Variants in ADAM18 observed in about 807,000 individuals in gnomAD.
ADAM18 encodes the protein disintegrin and metalloproteinase domain-containing protein 18.
Under a neutral mutation model 94.4 loss-of-function variants are expected in ADAM18, and 117 were observed. The ratio of observed to expected loss-of-function variants is 1.24; its 90% confidence interval spans 1.07 to 1.45. The LOEUF is 1.45. Among genes scored for constraint, ADAM18 ranks in the 40% most tolerant of loss-of-function variants. The pLI, the probability that ADAM18 is intolerant of heterozygous loss-of-function variation, is 0.00. For synonymous variants in ADAM18, 327 were observed against 291.6 expected (o/e 1.12, Z -1.24); for missense variants, 936 against 880.0 (o/e 1.06, Z -0.81).
At position 39,664,028 on chromosome 8, in the gene ADAM18, A is replaced by T. The variant is rs148815284; in HGVS notation, c.1326+138A>T. 3.1e-3 allele frequency: 1,909 copies of T among 614,578 alleles called. 40 individuals carry two copies. The African/African-American group carries it at 0.032, about 10-fold the overall frequency. The allele number at this position is 614,578 out of a possible 1,614,324, so 38.1% of individuals were successfully genotyped here. A position where few individuals can be genotyped will look rare whatever the true frequency, so the allele number is the denominator to read the frequency against. On this transcript the variant is annotated intron_variant, in intron 13 of 19. Transcript: ENST00000265707. The stretch of plus-strand genomic sequence containing the variant: ...AATGTAGAGTGCATGAACAAACACA[A>T]GTTTAAAGGAAAATTGCTATAAAAT...
In ADAM18 at chr8:39,673,775, C is replaced by T. The variant is rs141930966; in HGVS notation, c.1526-3656C>T. Among the ~76,000 whole-genome samples, 1,710 of 152,246 alleles carry T rather than the reference C, an allele frequency of 0.011. 68 individuals are homozygous for T. In the East Asian group the frequency reaches 0.14, roughly 13 times the overall value. ...GTGGGCATTTAGTGCTATAAATTTC[C>T]CTCTACACACTGCTTTAAATGTATC... On this transcript the variant is annotated intron_variant, in intron 14 of 19. Coordinates refer to ENST00000265707, the MANE Select transcript of ADAM18 (RefSeq NM_014237.3).
intron 2 of ADAM18, among the ~76,000 whole-genome samples, chr8:39,592,835 T>A (rs1818616299): frequency 6.6e-6 from 1 of 152,084 alleles, no homozygotes; most frequent in Non-Finnish European, 1.5e-5. Context: ...AAATAACAAT[T>A]TAAAAAGTGC....
chr8:39,672,391 G>A (rs1361653754), intron 14 of ADAM18, among the ~76,000 whole-genome samples: 1 of 152,156 alleles, frequency 6.6e-6, no homozygotes, highest in African/African-American at 2.4e-5. Flanking sequence ...CCTACCAGAA[G>A]CCAGATGAAT....
chr8:39,633,157 A>G (rs1169327242), intron 7 of ADAM18, among the ~76,000 whole-genome samples: 2 of 152,164 alleles, frequency 1.3e-5, no homozygotes, highest in Non-Finnish European at 1.5e-5. Context: ...ACTATGAACA[A>G]TAAATTTGTG....
chr8:39,657,993 C>T (rs1320770261), intron 12 of ADAM18, among the ~76,000 whole-genome samples: 3 of 152,006 alleles, frequency 2.0e-5, no homozygotes, highest in African/African-American at 4.8e-5. Context: ...ATAAAATATC[C>T]AGCTGTATGC....
intron 18 of ADAM18, among the ~76,000 whole-genome samples, chr8:39,708,899 C>A (rs1040238903): frequency 6.6e-6 from 1 of 152,200 alleles, no homozygotes; most frequent in African/African-American, 2.4e-5. Flanking sequence ...GCGGGCCCTG[C>A]GCCCGCATCT....
Position 39,632,152 on chromosome 8 carries a change from AT to A in ADAM18, c.588+2718del, listed in dbSNP as rs1255143920. Among the ~76,000 whole-genome samples the A allele has an allele frequency of 5.3e-5, 8 of 150,706 alleles. No individual in the cohort carries two copies. In the East Asian group the frequency reaches 1.6e-3, roughly 29 times the overall value. ...TAATTTTTAATTTTTTTCTTTATCA[AT>A]TTTTACTCCGTTTTGCATTTATGTA... On this transcript the variant is annotated intron_variant, in intron 7 of 19. Transcript: ENST00000265707.
intron 16 of ADAM18, among the ~76,000 whole-genome samples, chr8:39,688,358 C>CT (rs35820936): frequency 4.7e-4 from 72 of 152,098 alleles, no homozygotes; most frequent in African/African-American, 1.6e-3. Flanking sequence ...CCCATTAGTT[C>CT]TTTTTTCTGA....
chr8:39,699,275 A>G (rs762080792), intron 17 of ADAM18, among the ~76,000 whole-genome samples: 55 of 152,122 alleles, frequency 3.6e-4, no homozygotes, highest in Admixed American at 3.3e-4. Flanking sequence ...TTAATAATGT[A>G]CATCATATTC....
At chr8:39,675,373 G>T (rs965322454) in intron 14 of ADAM18, among the ~76,000 whole-genome samples, 1 of 151,898 alleles carries the variant, frequency 6.6e-6, no homozygotes, top group African/African-American at 2.4e-5. Flanking sequence ...TCATCAATTT[G>T]ATCTTCAATC....
At chr8:39,614,287 T>G (rs1339695238) in intron 6 of ADAM18, among the ~76,000 whole-genome samples, 3 of 152,172 alleles carry the variant, frequency 2.0e-5, no homozygotes, top group African/African-American at 7.2e-5. Context: ...AGCAAAACCC[T>G]GTGAGCCAGA....
intron 19 of ADAM18, among the ~76,000 whole-genome samples, chr8:39,726,094 A>G (rs1013802596): frequency 6.6e-6 from 1 of 152,082 alleles, no homozygotes; most frequent in Non-Finnish European, 1.5e-5. Context: ...GTAATATCTC[A>G]TAGTGGTCTT....
intron 11 of ADAM18, among the ~76,000 whole-genome samples, chr8:39,646,333 T>C (rs1820374827): frequency 6.6e-6 from 1 of 151,970 alleles, no homozygotes; most frequent in South Asian, 2.1e-4. Flanking sequence ...TTAAACATAA[T>C]GAAAATTAAA....
Position 39,642,052 on chromosome 8 carries a change from A to G in ADAM18, c.910-3286A>G, listed in dbSNP as rs143784176. On this transcript the variant is annotated intron_variant, in intron 10 of 19. Coordinates refer to ENST00000265707, the MANE Select transcript of ADAM18 (RefSeq NM_014237.3). ...TCTCATATGATTGTTGGCCACATGT[A>G]TTTCTTCTTTTGAAAAATGCCTGTT... is the stretch of plus-strand genomic sequence containing the variant. Among the ~76,000 whole-genome samples, 65 of 152,050 alleles carry G rather than the reference A, an allele frequency of 4.3e-4. 1 individual carries two copies. The East Asian group carries it at 0.012, about 29-fold the overall frequency.
intron 17 of ADAM18, among the ~76,000 whole-genome samples, chr8:39,702,978 T>G (rs1311318555): frequency 6.6e-6 from 1 of 152,188 alleles, no homozygotes; most frequent in African/African-American, 2.4e-5. Context: ...TCTTTTTTGC[T>G]TCCCAGTGAA....
At chr8:39,638,249 G>C (rs1258901884) in intron 9 of ADAM18, among the ~76,000 whole-genome samples, 1 of 142,392 alleles carries the variant, frequency 7.0e-6, no homozygotes, top group Non-Finnish European at 1.6e-5. Flanking sequence ...AATTACATTG[G>C]TATTAAAGTG....
At chr8:39,598,074 A>G (rs1818791952) in intron 2 of ADAM18, among the ~76,000 whole-genome samples, 1 of 152,088 alleles carries the variant, frequency 6.6e-6, no homozygotes, top group Non-Finnish European at 1.5e-5. Flanking sequence ...CCCCTCCTTC[A>G]TTGCTAGTAT....
chr8:39,597,462 T>C (rs1818774300), intron 2 of ADAM18, among the ~76,000 whole-genome samples: 1 of 152,198 alleles, frequency 6.6e-6, no homozygotes, highest in South Asian at 2.1e-4. Flanking sequence ...ACTATTATGT[T>C]ATGTGTCTAG....
chr8:39,693,338 C>T (rs1172898328), intron 17 of ADAM18, among the ~76,000 whole-genome samples: 1 of 151,282 alleles, frequency 6.6e-6, no homozygotes, highest in African/African-American at 2.4e-5. Flanking sequence ...ATATAAAATG[C>T]TACTACATTG....
Sources: allele counts gnomAD v4.1 joint callset (sites outside exome capture counted in the v4.1 genomes callset), GRCh38; gene constraint gnomAD v4.1.1; transcripts MANE v1.5; gene names NCBI Gene and HGNC (gene_info 2026-07-23, HGNC 2026-07-21).